BCAS3: variants seen among roughly 807,000 people sequenced by gnomAD.
The protein encoded by BCAS3 is BCAS3 microtubule associated cell migration factor, also known as BCAS4/BCAS3 fusion.
In BCAS3, 53 loss-of-function variants were observed where a neutral mutation model predicts 116.1. The observed-to-expected ratio is 0.46, with a 90% CI of 0.37 to 0.57. The LOEUF (loss-of-function observed/expected upper bound fraction) is 0.57, where lower values mean the gene tolerates loss of function less well. Ranked by LOEUF, BCAS3 falls within the 20% of genes least tolerant of loss-of-function variation. The probability of loss-of-function intolerance (pLI) is 0.00; values close to 1 mark genes in which losing one functional copy is unlikely to be tolerated. For synonymous variants in BCAS3, 391 were observed against 408.2 expected (o/e 0.96, Z 0.51); for missense variants, 917 against 1,165.4 (o/e 0.79, Z 3.10).
At chr17:61,240,795 A>C (rs937468954) in intron 22 of BCAS3, among the ~76,000 whole-genome samples, 22 of 152,232 alleles carry the variant, frequency 1.4e-4, no homozygotes, top group African/African-American at 5.1e-4. Context: ...GAGCCCTATA[A>C]CTAAAGGGTC....
chr17:60,734,661 CTT>C (rs1314851989), intron 5 of BCAS3, among the ~76,000 whole-genome samples: 4 of 152,194 alleles, frequency 2.6e-5, no homozygotes, highest in African/African-American at 4.8e-5. Context: ...TCTATGAACT[CTT>C]TGTTCTGTCC....
At chr17:60,863,006 G>A (rs189872593) in intron 7 of BCAS3, among the ~76,000 whole-genome samples, 27 of 152,170 alleles carry the variant, frequency 1.8e-4, no homozygotes, top group African/African-American at 6.3e-4. Flanking sequence ...CAAGAAATAG[G>A]TTACAAAGAT....
At chr17:61,179,699 C>G (rs987907927) in intron 22 of BCAS3, among the ~76,000 whole-genome samples, 1 of 152,052 alleles carries the variant, frequency 6.6e-6, no homozygotes, top group South Asian at 2.1e-4. Context: ...GCATTTTGCC[C>G]AACATTGGCT....
At chr17:60,989,257 A>G (rs1182009365) in intron 14 of BCAS3, among the ~76,000 whole-genome samples, 2 of 152,132 alleles carry the variant, frequency 1.3e-5, no homozygotes, top group Non-Finnish European at 2.9e-5. Flanking sequence ...AACAGTATCA[A>G]ATTTTCCTTA....
intron 4 of BCAS3, among the ~76,000 whole-genome samples, chr17:60,705,429 C>T (rs563688901): frequency 2.0e-5 from 3 of 150,728 alleles, no homozygotes; most frequent in South Asian, 4.2e-4. Flanking sequence ...GCATGAGAAT[C>T]GCTTGAGCCT....
rs138134729 is a variant in BCAS3 at position 60,738,643 on chromosome 17, C to T, written c.322-8555C>T. On this transcript the variant is annotated intron_variant, in intron 5 of 23. Transcript: ENST00000407086. Reference sequence around the variant, plus strand: ...ATACAGTTGGATCTTGTGTTTTAATCCGTTTTCACAATCTCTGTTGTTTGA... The same window carrying T: ...ATACAGTTGGATCTTGTGTTTTAATTCGTTTTCACAATCTCTGTTGTTTGA... Among the ~76,000 whole-genome samples, 89 of 152,198 alleles carry T rather than the reference C, an allele frequency of 5.8e-4. 1 individual carries two copies. Among genetic ancestry groups the T allele is most frequent in the African/African-American group, 1.8e-3 (76 of 41,518 alleles).
chr17:60,988,547 G>A (rs967098445), intron 14 of BCAS3, among the ~76,000 whole-genome samples: 3 of 151,550 alleles, frequency 2.0e-5, no homozygotes, highest in African/African-American at 7.3e-5. Flanking sequence ...TTTGCTGGGA[G>A]ACTTATTACA....
intron 22 of BCAS3, among the ~76,000 whole-genome samples, chr17:61,125,262 T>C (rs144653927): frequency 6.6e-6 from 1 of 152,334 alleles, no homozygotes; most frequent in African/African-American, 2.4e-5. Flanking sequence ...TTTCCTAATA[T>C]GTCCTTGTAT....
Position 61,235,458 on chromosome 17 carries a change from A to G in BCAS3, c.2426-132869A>G, listed in dbSNP as rs1014593520. On this transcript the variant is annotated intron_variant, in intron 22 of 23. Transcript: ENST00000407086. This position sits in a 1 kb window ranked among gnomAD's most constrained non-coding sequence, Gnocchi z 5.0. ...GCATGAATGTGCTTGTTTAGCAGGT[A>G]GAGTTATTATTCTCTTATGTTCAAA... 6.6e-5 allele frequency among the ~76,000 whole-genome samples: 10 copies of G among 152,208 alleles called. No homozygotes were observed. The highest frequency in any genetic ancestry group is 2.4e-4 in the African/African-American group (10 of 41,456).
intron 22 of BCAS3, among the ~76,000 whole-genome samples, chr17:61,207,142 G>C (rs1345515524): frequency 6.6e-6 from 1 of 152,042 alleles, no homozygotes; most frequent in Admixed American, 6.5e-5. Context: ...TAGCAGAGAT[G>C]TTTTTCAAAC....
At chr17:61,340,244 T>G (rs2057040280) in intron 22 of BCAS3, among the ~76,000 whole-genome samples, 1 of 142,586 alleles carries the variant, frequency 7.0e-6, no homozygotes, top group South Asian at 2.2e-4. Flanking sequence ...AATACTAGCA[T>G]AGTGATGGCA....
chr17:61,293,235 G>A (rs1489039618), intron 22 of BCAS3, among the ~76,000 whole-genome samples: 3 of 152,170 alleles, frequency 2.0e-5, no homozygotes, highest in Admixed American at 2.0e-4. Context: ...GAAAATTAAA[G>A]GGTAGATGTG....
Position 61,128,141 on chromosome 17 carries a change from A to C in BCAS3, c.2425+43577A>C, listed in dbSNP as rs2076141662. The C allele has an allele frequency of 2.1e-6, 2 of 973,512 alleles. No homozygotes were observed. The highest frequency in any genetic ancestry group is 5.2e-4 in the Middle Eastern group (1 of 1,914). 60.3% of individuals were successfully genotyped at this position (973,512 alleles called of 1,614,324 possible). ...CCATTCATTTTAGAGATTCCTTGAT[A>C]CTGTAAACCTGACAACTCAATCTGG... On this transcript the variant is annotated intron_variant, in intron 22 of 23. Coordinates refer to ENST00000407086, the MANE Select transcript of BCAS3 (RefSeq NM_017679.5). The surrounding 1 kb of genome is among the most constrained non-coding windows in gnomAD (Gnocchi z 4.1).
rs1452834340 is a variant in BCAS3 at position 61,324,826 on chromosome 17, A to AT, written c.2426-43501_2426-43500insT. On this transcript the variant is annotated intron_variant, in intron 22 of 23. Transcript: ENST00000407086. The surrounding 1 kb of genome is among the most constrained non-coding windows in gnomAD (Gnocchi z 4.6). ...CTAGTGAGACCTCATCTCTATGAAA[A>AT]AAAAAAAAAAAGAAGAAACAAAAAA... Among the ~76,000 whole-genome samples, 1 of 151,854 alleles carries AT rather than the reference A, an allele frequency of 6.6e-6. No individual in the cohort carries two copies. Among genetic ancestry groups the AT allele is most frequent in the African/African-American group, 2.4e-5 (1 of 41,380 alleles).
At position 61,226,895 on chromosome 17, in the gene BCAS3, T is replaced by C. The variant is rs1319132936; in HGVS notation, c.2426-141432T>C. Among the ~76,000 whole-genome samples, 1 of 152,208 alleles carries C rather than the reference T, an allele frequency of 6.6e-6. No homozygotes were observed. The highest frequency in any genetic ancestry group is 1.5e-5 in the Non-Finnish European group (1 of 68,030). ...GCTGTCAGTTTGCCTGCCTATATCC[T>C]ATAATATCCCTTTCCTTTTTAATTT... On this transcript the variant is annotated intron_variant, in intron 22 of 23. Transcript: ENST00000407086. The surrounding 1 kb of genome is among the most constrained non-coding windows in gnomAD (Gnocchi z 6.0).
At position 61,161,735 on chromosome 17, in the gene BCAS3, GC is replaced by G. The variant is rs2078179043; in HGVS notation, c.2425+77176del. Among the ~76,000 whole-genome samples the G allele has an allele frequency of 6.6e-6, 1 of 152,114 alleles. No homozygotes were observed. Among genetic ancestry groups the G allele is most frequent in the Non-Finnish European group, 1.5e-5 (1 of 68,038 alleles). On this transcript the variant is annotated intron_variant, in intron 22 of 23. Coordinates refer to ENST00000407086, the MANE Select transcript of BCAS3 (RefSeq NM_017679.5). This position sits in a 1 kb window ranked among gnomAD's most constrained non-coding sequence, Gnocchi z 4.8. The stretch of plus-strand genomic sequence containing the variant: ...GCCCCTCCCCTCAGCACACATACCA[GC>G]CCCCGCAATTCCAGTTTCATGGTGC...
chr17:61,081,129 AT>A (rs1486422070), intron 21 of BCAS3, among the ~76,000 whole-genome samples: 1 of 152,244 alleles, frequency 6.6e-6, no homozygotes, highest in Non-Finnish European at 1.5e-5. Context: ...AATCTTAATA[AT>A]AAAGCGTTTA....
At chr17:61,329,636 C>T (rs955218832) in intron 22 of BCAS3, among the ~76,000 whole-genome samples, 7 of 152,116 alleles carry the variant, frequency 4.6e-5, no homozygotes, top group African/African-American at 9.7e-5. Context: ...CCACCATGCC[C>T]GGCCTATGTT....
intron 4 of BCAS3, among the ~76,000 whole-genome samples, chr17:60,693,823 T>A (rs56342604): frequency 0.059 from 8,877 of 150,518 alleles, 1,054 homozygotes; most frequent in African/African-American, 0.21. Flanking sequence ...AAGGGAATTA[T>A]TTTTTTTTAA....
Sources: allele counts gnomAD v4.1 joint callset (sites outside exome capture counted in the v4.1 genomes callset), GRCh38; gene constraint gnomAD v4.1.1; non-coding constraint Gnocchi (gnomAD v3.1); transcripts MANE v1.5; gene names NCBI Gene and HGNC (gene_info 2026-07-23, HGNC 2026-07-21).